Variants in KPNA1 observed in about 807,000 individuals in gnomAD.
KPNA1 encodes the protein importin subunit alpha-5.
In KPNA1, 10 loss-of-function variants were observed where a neutral mutation model predicts 70.5. That is an observed-to-expected ratio of 0.14 (90% CI 0.09 to 0.24). The LOEUF (loss-of-function observed/expected upper bound fraction) is 0.24. Ranked by LOEUF, KPNA1 falls within the 10% of genes least tolerant of loss-of-function variation. The pLI, the probability that KPNA1 is intolerant of heterozygous loss-of-function variation, is 1.00. For missense variants in KPNA1, 397 were observed against 637.9 expected, an observed-to-expected ratio of 0.62 and a Z score of 4.07; for synonymous variants, 192 against 221.9, an observed-to-expected ratio of 0.87 and a Z score of 1.20.
intron 2 of KPNA1, among the ~76,000 whole-genome samples, chr3:122,492,169 C>T (rs1205528829): frequency 6.6e-6 from 1 of 152,172 alleles, no homozygotes; most frequent in Non-Finnish European, 1.5e-5. Flanking sequence ...CCGACCATCA[C>T]ATTTTAACTA....
chr3:122,447,794 C>A (rs1576294816), intron 9 of KPNA1, among the ~76,000 whole-genome samples: 1 of 152,176 alleles, frequency 6.6e-6, no homozygotes. Context: ...AGCCCCAAAT[C>A]TCCTTGAGCT....
chr3:122,470,470 C>G (rs1008912946), intron 2 of KPNA1, among the ~76,000 whole-genome samples: 2 of 151,686 alleles, frequency 1.3e-5, no homozygotes, highest in Non-Finnish European at 2.9e-5. Flanking sequence ...CAATATCGCA[C>G]CACTGCACTC....
At chr3:122,475,641 C>T (rs1177957757) in intron 2 of KPNA1, among the ~76,000 whole-genome samples, 1 of 152,134 alleles carries the variant, frequency 6.6e-6, no homozygotes, top group Non-Finnish European at 1.5e-5. Flanking sequence ...GGAAGCCAAT[C>T]CCCTACGCAG....
At chr3:122,448,005 GA>G (rs1278333051) in intron 9 of KPNA1, among the ~76,000 whole-genome samples, 4 of 152,056 alleles carry the variant, frequency 2.6e-5, no homozygotes, top group Admixed American at 2.6e-4. Context: ...ACAGACACAT[GA>G]AAAAATGCTC....
chr3:122,432,355 T>G (rs1038959398), intron 12 of KPNA1: 2 of 152,224 alleles, frequency 1.3e-5, no homozygotes. Context: ...AAATAGCTAC[T>G]GCATATGTTA....
intron 1 of KPNA1, among the ~76,000 whole-genome samples, chr3:122,505,974 G>C (rs2076886217): frequency 6.6e-6 from 1 of 152,202 alleles, no homozygotes; most frequent in African/African-American, 2.4e-5. Context: ...CAATGGATAA[G>C]GAACTACAAC....
At chr3:122,477,821 A>C (rs2076519751) in intron 2 of KPNA1, among the ~76,000 whole-genome samples, 1 of 151,654 alleles carries the variant, frequency 6.6e-6, no homozygotes, top group Non-Finnish European at 1.5e-5. Context: ...GTACACCATA[A>C]ATATATAAAA....
intron 9 of KPNA1, 93 bp from the exon 10 acceptor site, chr3:122,442,209 T>TC: frequency 2.1e-6 from 2 of 934,054 alleles, no homozygotes; most frequent in Non-Finnish European, 3.4e-6. Context: ...AAAATTGTGA[T>TC]AGAATTTTAG....
At chr3:122,500,109 GT>G (rs199938248) in intron 1 of KPNA1, among the ~76,000 whole-genome samples, 3 of 151,776 alleles carry the variant, frequency 2.0e-5, no homozygotes, top group Admixed American at 2.0e-4. Flanking sequence ...GGATACAACT[GT>G]TTTTTTGTTG....
Position 122,449,560 on chromosome 3 carries a change from A to G in KPNA1, c.917+14T>C, listed in dbSNP as rs761125943. On this transcript the variant is annotated intron_variant, in intron 9 of 13. Coordinates refer to ENST00000344337, the MANE Select transcript of KPNA1 (RefSeq NM_002264.4). The stretch of plus-strand genomic sequence containing the variant: ...GGGAGAGAAAGTGGACACACTTTCT[A>G]AAAGATATCTTACATCAGCAGTTCC... 2 of 1,599,886 alleles carry G rather than the reference A, an allele frequency of 1.3e-6. No homozygotes were observed. Among genetic ancestry groups the G allele is most frequent in the Non-Finnish European group, 8.5e-7 (1 of 1,173,120 alleles).
chr3:122,436,092 G>A (rs2075982646), intron 11 of KPNA1, among the ~76,000 whole-genome samples: 1 of 152,242 alleles, frequency 6.6e-6, no homozygotes, highest in Non-Finnish European at 1.5e-5. Flanking sequence ...CCTAGGGGGA[G>A]GTCTCTAAAA....
At chr3:122,463,210 C>T (rs1044724702) in intron 4 of KPNA1, among the ~76,000 whole-genome samples, 15 of 151,860 alleles carry the variant, frequency 9.9e-5, no homozygotes, top group Non-Finnish European at 1.8e-4. Context: ...TAGCTGGGCA[C>T]GGTGGCGAGC....
chr3:122,508,131 T>A (rs989928635), intron 1 of KPNA1, among the ~76,000 whole-genome samples: 3 of 151,418 alleles, frequency 2.0e-5, no homozygotes, highest in Admixed American at 6.6e-5. Context: ...TATAAAGAAA[T>A]TTTTTTTTCA....
At chr3:122,451,311 C>T (rs200072680) in intron 8 of KPNA1, among the ~76,000 whole-genome samples, 1 of 152,178 alleles carries the variant, frequency 6.6e-6, no homozygotes, top group Non-Finnish European at 1.5e-5. Context: ...GCTTTATTTG[C>T]AGTCCCATCG....
At chr3:122,468,496 C>CT (rs1560038307) in intron 2 of KPNA1, among the ~76,000 whole-genome samples, 1 of 152,144 alleles carries the variant, frequency 6.6e-6, no homozygotes, top group Non-Finnish European at 1.5e-5. Context: ...ACCAAAACCA[C>CT]CTACCAAAGG....
In KPNA1 at chr3:122,504,334, G is replaced by A. The variant is rs1256746499; in HGVS notation, c.-5-7764C>T. On this transcript the variant is annotated intron_variant, in intron 1 of 13. Transcript: ENST00000344337. ...CACTGTGTATTCACATAGCAGAAGG[G>A]GCTAAGGAGCTCTCTGTGATCTCGT... Among the ~76,000 whole-genome samples the A allele has an allele frequency of 2.0e-5, 3 of 152,108 alleles. 1 individual carries two copies. Among genetic ancestry groups the A allele is most frequent in the Non-Finnish European group, 4.4e-5 (3 of 68,018 alleles).
At chr3:122,471,443 A>G (rs1467589719) in intron 2 of KPNA1, among the ~76,000 whole-genome samples, 2 of 152,258 alleles carry the variant, frequency 1.3e-5, no homozygotes, top group African/African-American at 4.8e-5. Context: ...GGATCACAAA[A>G]CAAGAACCGA....
At chr3:122,466,435 T>C (rs1413980529) in intron 3 of KPNA1, among the ~76,000 whole-genome samples, 1 of 152,110 alleles carries the variant, frequency 6.6e-6, no homozygotes, top group East Asian at 1.9e-4. Flanking sequence ...TTTTAGGAGA[T>C]AATTTTCTTT....
chr3:122,435,187 CACACAA>C (rs2075968758), intron 11 of KPNA1, among the ~76,000 whole-genome samples: 1 of 152,112 alleles, frequency 6.6e-6, no homozygotes, highest in Admixed American at 6.5e-5. Flanking sequence ...TCAATACACA[CACACAA>C]ACACACACAC....
Sources: gnomAD v4.1 joint callset for allele counts (sites outside exome capture counted in the v4.1 genomes callset) on GRCh38, gnomAD v4.1.1 for gene constraint, MANE v1.5 for transcripts, NCBI Gene and HGNC (gene_info 2026-07-23, HGNC 2026-07-21) for gene names.